Variants in TPCN1 observed in about 807,000 individuals in gnomAD.
TPCN1 encodes the protein two pore channel protein 1.
A neutral mutation model predicts 108.8 loss-of-function variants in TPCN1; 52 were observed. The observed-to-expected ratio is 0.48, with a 90% CI of 0.38 to 0.60. The LOEUF (loss-of-function observed/expected upper bound fraction) is 0.60, where lower values mean the gene tolerates loss of function less well. Ranked by LOEUF, TPCN1 falls within the 20% of genes least tolerant of loss-of-function variation. The probability of loss-of-function intolerance (pLI) is 0.00; values close to 1 mark genes in which losing one functional copy is unlikely to be tolerated. For synonymous variants in TPCN1, 446 were observed against 433.7 expected (o/e 1.03, Z -0.35); for missense variants, 806 against 1,072.8 (o/e 0.75, Z 3.47).
At chr12:113,227,992 G>T (rs1431456994) in intron 2 of TPCN1, among the ~76,000 whole-genome samples, 1 of 152,192 alleles carries the variant, frequency 6.6e-6, no homozygotes, top group Non-Finnish European at 1.5e-5. Flanking sequence ...GAGCTGGATT[G>T]CCCAGAAGGA....
At position 113,293,588 on chromosome 12, in the gene TPCN1, C is replaced by G. The variant is rs141526325; in HGVS notation, c.2334+239C>G. The stretch of plus-strand genomic sequence containing the variant: ...CTGCCTGCCGCCATATGTCCCTGCC[C>G]CTTATGAATTCTCCAGAACCTCCTC... On this transcript the variant is annotated intron_variant, in intron 27 of 27. Coordinates refer to ENST00000335509, the MANE Select transcript of TPCN1 (RefSeq NM_017901.6). Among the ~76,000 whole-genome samples the G allele has an allele frequency of 6.0e-3, 919 of 152,296 alleles. 7 individuals carry two copies. The highest frequency in any genetic ancestry group is 0.021 in the African/African-American group (858 of 41,562).
At chr12:113,246,073 G>A (rs900166894) in intron 2 of TPCN1, 2 of 455,706 alleles carry the variant, frequency 4.4e-6, no homozygotes, top group African/African-American at 4.0e-5. Context: ...GGTCATTCTG[G>A]TTTGTCTGCC....
intron 2 of TPCN1, among the ~76,000 whole-genome samples, chr12:113,238,777 GT>G (rs1953991548): frequency 6.6e-6 from 1 of 152,194 alleles, no homozygotes; most frequent in Admixed American, 6.5e-5. Context: ...TTGAATCAGA[GT>G]TTGCTTTGTG....
chr12:113,284,480 C>A lies in TPCN1; in HGVS notation c.1343-101C>A. On this transcript the variant is annotated intron_variant, in intron 15 of 27. Transcript: ENST00000335509. The surrounding 1 kb of genome is among the most constrained non-coding windows in gnomAD (Gnocchi z 4.1). ...GTGGAGCAGCCCTGTTCTCCCCATC[C>A]CGTAGAGCTCCAGGAAGTTAACCAG... is the stretch of plus-strand genomic sequence containing the variant. The A allele has an allele frequency of 7.5e-7, 1 of 1,341,114 alleles. No homozygotes were observed. Among genetic ancestry groups the A allele is most frequent in the Non-Finnish European group, 1.1e-6 (1 of 937,886 alleles). 83.1% of individuals were successfully genotyped at this position (1,341,114 alleles called of 1,614,324 possible). A position where few individuals can be genotyped will look rare whatever the true frequency, so the allele number is the denominator to read the frequency against.
In TPCN1 at chr12:113,266,030, AG is replaced by A; in HGVS notation, c.238-149del. 1.2e-6 allele frequency: 1 copy of A among 844,852 alleles called. No individual in the cohort carries two copies. The highest frequency in any genetic ancestry group is 1.8e-6 in the Non-Finnish European group (1 of 542,458). 52.3% of individuals were successfully genotyped at this position (844,852 alleles called of 1,614,324 possible). ...GACCTGACCACCGTGAGTTTCGCGA[AG>A]ATCATTTTGATTTTCCAGCATCTTC... On this transcript the variant is annotated intron_variant, in intron 3 of 27. Transcript: ENST00000335509. This position sits in a 1 kb window ranked among gnomAD's most constrained non-coding sequence, Gnocchi z 4.2.
At position 113,291,643 on chromosome 12, in the gene TPCN1, G is replaced by A. The variant is rs1367837135; in HGVS notation, c.1994G>A (p.Arg665His). 1.9e-6 allele frequency: 3 copies of A among 1,613,636 alleles called. No homozygotes were observed. The highest frequency in any genetic ancestry group is 2.2e-5 in the East Asian group (1 of 44,878). Residue 665 changes from arginine (R) to histidine (H), a missense_variant, in exon 24 of 28, where the codon CGC becomes CAC. Arg to His is a conservative substitution (Grantham distance 29). Coordinates refer to ENST00000335509, the MANE Select transcript of TPCN1 (RefSeq NM_017901.6). The part of the protein sequence containing the change: ...GVTSQTSHWS[R>H]LYFMTFYIVT... The stretch of plus-strand genomic sequence containing the variant: ...ACCTCTCAGACCTCCCACTGGAGCC[G>A]CCTCTACTTCATGACCTTTTACATT...
intron 11 of TPCN1, 94 bp downstream of exon 11, chr12:113,277,129 ACC>A: frequency 1.2e-6 from 2 of 1,600,962 alleles, no homozygotes; most frequent in South Asian, 2.2e-5. Flanking sequence ...CACTTTAGAA[ACC>A]AGGAACCCTG....
chr12:113,286,935 C>T lies in TPCN1; in HGVS notation c.1527-52C>T, dbSNP rs1396363048. The T allele has an allele frequency of 2.6e-5, 36 of 1,375,078 alleles. 1 individual carries two copies. Among genetic ancestry groups the T allele is most frequent in the South Asian group, 1.8e-4 (15 of 85,002 alleles). 85.2% of individuals were successfully genotyped at this position (1,375,078 alleles called of 1,614,324 possible). On this transcript the variant is annotated intron_variant, in intron 18 of 27. Coordinates refer to ENST00000335509, the MANE Select transcript of TPCN1 (RefSeq NM_017901.6). ...GCACAGGGCCAGGGAGGGGAGCAGG[C>T]GCAGGTAGGCTCAGGGCCACAGGGT...
At chr12:113,244,725 G>C in intron 2 of TPCN1, 2 of 985,418 alleles carry the variant, frequency 2.0e-6, no homozygotes, top group Non-Finnish European at 2.4e-6. Flanking sequence ...GCTGGTTTCC[G>C]GAGGGCTCCG....
intron 2 of TPCN1, among the ~76,000 whole-genome samples, chr12:113,250,812 C>T (rs565609015): frequency 4.6e-5 from 7 of 151,870 alleles, no homozygotes; most frequent in African/African-American, 9.7e-5. Flanking sequence ...AAAAATTAGC[C>T]GGGTGTGTTG....
chr12:113,295,839 TG>T (rs1956407532), intron 27 of TPCN1, 120 bp from the exon 28 acceptor site: 16 of 1,115,730 alleles, frequency 1.4e-5, no homozygotes, highest in Non-Finnish European at 1.6e-5. Context: ...CAGTACCAGC[TG>T]GGTGAGGCTG....
intron 1 of TPCN1, among the ~76,000 whole-genome samples, 200 bp downstream of exon 1, chr12:113,221,826 C>A (rs945944970): frequency 2.6e-5 from 4 of 152,174 alleles, no homozygotes; most frequent in Admixed American, 6.5e-5. Flanking sequence ...CTCTCCTCGC[C>A]CCCGACTTCT....
chr12:113,267,501 C>T (rs889075984), intron 4 of TPCN1, among the ~76,000 whole-genome samples: 1 of 151,878 alleles, frequency 6.6e-6, no homozygotes, highest in Non-Finnish European at 1.5e-5. Flanking sequence ...TGTGCTCAAG[C>T]GATTCTCCTG....
chr12:113,244,062 T>C (rs1954252490), intron 2 of TPCN1, among the ~76,000 whole-genome samples: 1 of 152,230 alleles, frequency 6.6e-6, no homozygotes, highest in African/African-American at 2.4e-5. Flanking sequence ...CCCCATCCCC[T>C]GCCAGTTCCA....
chr12:113,293,425 C>T, intron 27 of TPCN1, 76 bp downstream of exon 27: 1 of 1,377,926 alleles, frequency 7.3e-7, no homozygotes, highest in South Asian at 1.2e-5. Context: ...TGCTCTCTGG[C>T]CCTCTGAGTA....
chr12:113,293,451 TAG>T, intron 27 of TPCN1, 102 bp downstream of exon 27: 2 of 1,120,620 alleles, frequency 1.8e-6, no homozygotes, highest in Non-Finnish European at 2.7e-6. Context: ...AGAAGGCTGG[TAG>T]AGAGATGCAG....
chr12:113,291,670 T>C lies in TPCN1; in HGVS notation c.2021T>C (p.Val674Ala). 1 of 1,613,892 alleles carries C rather than the reference T, an allele frequency of 6.2e-7. No homozygotes were observed. The highest frequency in any genetic ancestry group is 1.7e-5 in the Admixed American group (1 of 59,970). ...CTCTACTTCATGACCTTTTACATTG[T>C]GACCATGGTAGGTCCCGGACCACAG... ...SRLYFMTFYI[V>A]TMVVMTIIVA... Residue 674 changes from valine to alanine, a missense_variant, in exon 24 of 28, where the codon GTG becomes GCG. Coordinates refer to ENST00000335509, the MANE Select transcript of TPCN1 (RefSeq NM_017901.6).
intron 2 of TPCN1, among the ~76,000 whole-genome samples, chr12:113,253,202 T>C (rs1310313397): frequency 6.6e-6 from 1 of 152,186 alleles, no homozygotes. Flanking sequence ...GGGAGGGCTG[T>C]TGTAAGAACT....
Position 113,226,908 on chromosome 12 carries a change from G to A in TPCN1, c.56G>A (p.Gly19Asp). 6.2e-7 allele frequency: 1 copy of A among 1,614,180 alleles called. No homozygotes were observed. The highest frequency in any genetic ancestry group is 1.7e-5 in the Admixed American group (1 of 60,024). ...VPLILTLDEG[G>D]SAPLAPSNGL... ...CTCATCCTGACCTTGGATGAGGGTG[G>A]CAGTGCCCCACTGGCTCCCTCCAAC... The change falls in exon 2 of 28, where the codon GGC (glycine) becomes GAC (aspartate). Residue 19 changes from glycine to aspartate, a missense_variant. Gly to Asp is a moderately conservative substitution (Grantham distance 94). Transcript: ENST00000335509.
Sources: allele counts gnomAD v4.1 joint callset (sites outside exome capture counted in the v4.1 genomes callset), GRCh38; gene constraint gnomAD v4.1.1; non-coding constraint Gnocchi (gnomAD v3.1); transcripts MANE v1.5; gene names NCBI Gene and HGNC (gene_info 2026-07-23, HGNC 2026-07-21).